COL14A1: variants seen among roughly 807,000 people sequenced by gnomAD.
The protein encoded by COL14A1 is collagen type XIV alpha 1 chain.
COL14A1 carries 136 observed loss-of-function variants against 230.3 expected under a neutral mutation model. The observed-to-expected ratio is 0.59, with a 90% CI of 0.51 to 0.68. The LOEUF (loss-of-function observed/expected upper bound fraction) is 0.68. Among genes scored for constraint, COL14A1 ranks in the 30% least tolerant of loss-of-function variants. The probability of loss-of-function intolerance (pLI) is 0.00; values close to 1 mark genes in which losing one functional copy is unlikely to be tolerated. For missense variants in COL14A1, 1,976 were observed against 2,215.8 expected (o/e 0.89, Z 2.17); for synonymous variants, 792 against 784.1 (o/e 1.01, Z -0.17).
At chr8:120,161,388 A>G (rs981785517) in intron 3 of COL14A1, among the ~76,000 whole-genome samples, 2 of 152,228 alleles carry the variant, frequency 1.3e-5, no homozygotes, top group Non-Finnish European at 2.9e-5. Flanking sequence ...GGAATTCTGC[A>G]TAAAAGTTGA....
chr8:120,370,438 C>A, intron 47 of COL14A1: 4 of 1,557,000 alleles, frequency 2.6e-6, no homozygotes, highest in Non-Finnish European at 8.7e-7. Context: ...GTCCTGTCAA[C>A]CACCACCACC....
At chr8:120,138,515 A>G (rs1323644126) in intron 1 of COL14A1, among the ~76,000 whole-genome samples, 1 of 152,140 alleles carries the variant, frequency 6.6e-6, no homozygotes, top group Admixed American at 6.6e-5. Context: ...CTGATTTCTG[A>G]TCACCATGCC....
At chr8:120,198,428 A>G (rs758646789) in intron 7 of COL14A1, among the ~76,000 whole-genome samples, 3 of 152,116 alleles carry the variant, frequency 2.0e-5, no homozygotes, top group Non-Finnish European at 2.9e-5. Context: ...TTTTTGATGA[A>G]TGACGAATAT....
intron 5 of COL14A1, among the ~76,000 whole-genome samples, chr8:120,190,498 C>T (rs7016270): frequency 0.34 from 51,272 of 151,820 alleles, 9,462 homozygotes; most frequent in Admixed American, 0.47. Flanking sequence ...AATTAGATCC[C>T]ATTTGTCAAT....
chr8:120,232,978 T>C (rs763892537), intron 19 of COL14A1, among the ~76,000 whole-genome samples: 2 of 150,232 alleles, frequency 1.3e-5, no homozygotes, highest in Non-Finnish European at 2.9e-5. Flanking sequence ...TGAGATGATA[T>C]CTCATTGTGG....
chr8:120,153,480 C>T (rs1815356705), intron 2 of COL14A1, among the ~76,000 whole-genome samples: 1 of 152,144 alleles, frequency 6.6e-6, no homozygotes, highest in African/African-American at 2.4e-5. Context: ...CCACTGTACC[C>T]CGCCAATAAT....
chr8:120,127,487 T>C (rs1007626207), intron 1 of COL14A1, among the ~76,000 whole-genome samples: 2 of 152,198 alleles, frequency 1.3e-5, no homozygotes, highest in Non-Finnish European at 2.9e-5. Context: ...TCTTGGCACT[T>C]ATCCTGCTGC....
intron 40 of COL14A1, among the ~76,000 whole-genome samples, chr8:120,321,858 G>A (rs529166623): frequency 3.8e-4 from 58 of 152,026 alleles, no homozygotes; most frequent in African/African-American, 1.3e-3. Flanking sequence ...TCAGAGATTC[G>A]GATACAAAAG....
At chr8:120,294,557 C>G (rs1820467264) in intron 34 of COL14A1, among the ~76,000 whole-genome samples, 1 of 146,216 alleles carries the variant, frequency 6.8e-6, no homozygotes, top group African/African-American at 2.5e-5. Context: ...TATTTTGAGC[C>G]ACACTATCTT....
intron 5 of COL14A1, among the ~76,000 whole-genome samples, chr8:120,195,475 C>T (rs952530014): frequency 3.3e-5 from 5 of 152,006 alleles, no homozygotes; most frequent in South Asian, 2.1e-4. Flanking sequence ...GACCAGAGTT[C>T]GAAGCAATGT....
chr8:120,243,842 T>C, intron 19 of COL14A1, 37 bp from the exon 20 acceptor site: 2 of 1,604,908 alleles, frequency 1.2e-6, no homozygotes, highest in South Asian at 2.2e-5. Flanking sequence ...TGGAAACGGG[T>C]CTCACTAAGA....
Position 120,369,456 on chromosome 8 carries a change from C to G in COL14A1, c.5282C>G (p.Pro1761Arg), listed in dbSNP as rs769085373. 1.2e-6 allele frequency: 2 copies of G among 1,606,568 alleles called. No individual in the cohort carries two copies. The highest frequency in any genetic ancestry group is 2.2e-5 in the South Asian group (2 of 89,448). The change falls in exon 47 of 48, where the codon CCC (proline) becomes CGC (arginine). Residue 1761 changes from proline to arginine, a missense_variant. Physicochemically the swap from Pro to Arg is moderately radical, Grantham distance 103. Coordinates refer to ENST00000297848, the MANE Select transcript of COL14A1 (RefSeq NM_021110.4). ...GPSGQPGYCDPSSCSAYGVRA... is the reference protein window; with the variant it reads ...GPSGQPGYCDRSSCSAYGVRA... ...TCTGGCCAGCCTGGATATTGTGACC[C>G]CTCATCATGTTCTGCCTATGGTGTG...
rs1405187922 is a variant in COL14A1, at chr8:120,165,479, C to T, written c.350-2682C>T. Among the ~76,000 whole-genome samples the T allele has an allele frequency of 2.6e-5, 4 of 152,322 alleles. No homozygotes were observed. In the South Asian group the frequency reaches 8.3e-4, roughly 32 times the overall value. The stretch of plus-strand genomic sequence containing the variant: ...ACCACTTCCAGCCTCAGTTTCTTCA[C>T]CTGCAAATGAGGGTGATGATATGCC... On this transcript the variant is annotated intron_variant, in intron 4 of 47. Coordinates refer to ENST00000297848, the MANE Select transcript of COL14A1 (RefSeq NM_021110.4).
At chr8:120,127,724 G>A (rs1057255859) in intron 1 of COL14A1, among the ~76,000 whole-genome samples, 8 of 152,280 alleles carry the variant, frequency 5.3e-5, no homozygotes, top group Middle Eastern at 3.4e-3. Context: ...TCTTTTGCTC[G>A]TTTTCAGTTG....
intron 42 of COL14A1, among the ~76,000 whole-genome samples, chr8:120,338,204 G>A (rs1304235835): frequency 2.6e-5 from 4 of 152,152 alleles, no homozygotes; most frequent in East Asian, 1.9e-4. Flanking sequence ...TTAAAAAAAC[G>A]ACTCAAGTTG....
At chr8:120,241,880 G>A (rs867652560) in intron 19 of COL14A1, among the ~76,000 whole-genome samples, 1 of 152,122 alleles carries the variant, frequency 6.6e-6, no homozygotes. Context: ...TCAAAAGGTG[G>A]TAGTGAAGAT....
chr8:120,196,901 A>C lies in COL14A1; in HGVS notation c.547A>C (p.Asn183His). ...NFRLVRHFLE[N>H]LVTAFDVGSE... is the part of the protein sequence containing the mutation. The stretch of plus-strand genomic sequence containing the variant: ...CAGACTGGTTCGGCATTTCTTGGAA[A>C]ACCTGGTTACAGCATTCGATGTGGG... The change falls in exon 6 of 48, where the codon AAC becomes CAC. Residue 183 changes from asparagine (N) to histidine (H), a missense_variant. By Grantham distance (68) the Asn-to-His change is moderately conservative. Around this residue, in one of 3 missense-constraint regions of COL14A1, gnomAD observed 1,791 missense variants for 2,019.5 expected, o/e 0.89. Transcript: ENST00000297848. 1 of 1,614,058 alleles carries C rather than the reference A, an allele frequency of 6.2e-7. No homozygotes were observed. Among genetic ancestry groups the C allele is most frequent in the Non-Finnish European group, 8.5e-7 (1 of 1,179,982 alleles).
At chr8:120,160,679 A>G (rs949142192) in intron 3 of COL14A1, among the ~76,000 whole-genome samples, 8 of 152,258 alleles carry the variant, frequency 5.3e-5, no homozygotes, top group Admixed American at 6.5e-5. Context: ...TTGATTAAAC[A>G]TAGTAAATAA....
At chr8:120,345,646 AT>A (rs1367013881) in intron 45 of COL14A1, 83 bp downstream of exon 45, 1 of 1,174,484 alleles carries the variant, frequency 8.5e-7, no homozygotes, top group Admixed American at 4.0e-5. Flanking sequence ...TTATACAAGG[AT>A]AAAGTCTGAA....
Sources: allele counts gnomAD v4.1 joint callset (sites outside exome capture counted in the v4.1 genomes callset), GRCh38; gene constraint gnomAD v4.1.1; regional missense constraint gnomAD v4.1.1; transcripts MANE v1.5; gene names NCBI Gene and HGNC (gene_info 2026-07-23, HGNC 2026-07-21).